SET: variants seen among roughly 807,000 people sequenced by gnomAD.
SET encodes SET nuclear proto-oncogene, also known as protein SET.
A neutral mutation model predicts 39.0 loss-of-function variants in SET; 4 were observed. That is an observed-to-expected ratio of 0.10 (90% CI 0.05 to 0.23). The LOEUF (loss-of-function observed/expected upper bound fraction) is 0.23. Ranked by LOEUF, SET falls within the 10% of genes least tolerant of loss-of-function variation. SET has a pLI of 1.00. For synonymous variants in SET, 114 were observed against 115.9 expected (o/e 0.98, Z 0.11); for missense variants, 137 against 329.7 (o/e 0.42, Z 4.53).
At chr9:128,689,216 G>A (rs1861398434), upstream of SET, 1 of 992,238 alleles carries the variant, frequency 1.0e-6, no homozygotes, top group Non-Finnish European at 1.2e-6. Context: ...TGCGCCCTGC[G>A]CCCGCCCCTC....
rs1861713465 is a variant in SET, at chr9:128,695,752, CTGAA to C, written c.*1089_*1092del. On this transcript the variant is annotated 3_prime_UTR_variant, in exon 8 of 8. Transcript: ENST00000322030. ...CGTGGGTTCAATTTGCCATTGGTTT[CTGAA>C]AGTATTCACATCATTTGGGATACCA... is the stretch of plus-strand genomic sequence containing the variant. 4.4e-6 allele frequency: 1 copy of C among 227,496 alleles called. No individual in the cohort carries two copies. Among genetic ancestry groups the C allele is most frequent in the Non-Finnish European group, 8.8e-6 (1 of 113,784 alleles). 14.1% of individuals were successfully genotyped at this position (227,496 alleles called of 1,614,324 possible).
chr9:128,686,303 A>T (rs569654128), upstream of SET, among the ~76,000 whole-genome samples: 1 of 152,230 alleles, frequency 6.6e-6, no homozygotes, highest in South Asian at 2.1e-4. Flanking sequence ...AGGGCAGGAA[A>T]AGAGGGGCAG....
rs1006114163 is a variant in SET at position 128,689,546 on chromosome 9, C to T, written c.-37C>T. 3.4e-6 allele frequency: 4 copies of T among 1,176,056 alleles called. No individual in the cohort carries two copies. Among genetic ancestry groups the T allele is most frequent in the Non-Finnish European group, 4.5e-6 (4 of 885,162 alleles). The allele number at this position is 1,176,056 out of a possible 1,614,324, so 72.9% of individuals were successfully genotyped here. On this transcript the variant is annotated 5_prime_UTR_variant, in exon 1 of 8. Coordinates refer to ENST00000322030, the MANE Select transcript of SET (RefSeq NM_003011.4). ...CGCCCCCTTCGCCTTCCCTTCTCTC[C>T]CCCTCCCCGCTCCCCCCCCGACCGC... is the stretch of plus-strand genomic sequence containing the variant.
chr9:128,691,616 T>C (rs1400438249), intron 2 of SET, among the ~76,000 whole-genome samples: 1 of 152,214 alleles, frequency 6.6e-6, no homozygotes, highest in African/African-American at 2.4e-5. Flanking sequence ...GCGAAGTAAA[T>C]ACACACGTTA....
At chr9:128,693,053 T>C in intron 5 of SET, 72 bp downstream of exon 5, 6 of 978,246 alleles carry the variant, frequency 6.1e-6, no homozygotes, top group Non-Finnish European at 9.4e-6. Context: ...CACTTACAAG[T>C]GCTTGATACT....
chr9:128,688,003 G>A (rs2132239445), upstream of SET, among the ~76,000 whole-genome samples: 1 of 152,322 alleles, frequency 6.6e-6, no homozygotes, highest in East Asian at 1.9e-4. Flanking sequence ...GATCACCCCA[G>A]GTCAGTAGAC....
Position 128,694,734 on chromosome 9 carries a change from CTTTTTTTTTT to C in SET, c.*85_*94del, listed in dbSNP as rs35778650. 13 of 304,042 alleles carry C rather than the reference CTTTTTTTTTT, an allele frequency of 4.3e-5. No individual in the cohort carries two copies. Among genetic ancestry groups the C allele is most frequent in the East Asian group, 5.4e-5 (1 of 18,678 alleles). The allele number at this position is 304,042 out of a possible 1,614,324, so 18.8% of individuals were successfully genotyped here. On this transcript the variant is annotated 3_prime_UTR_variant, in exon 8 of 8. Coordinates refer to ENST00000322030, the MANE Select transcript of SET (RefSeq NM_003011.4). ...CCAGTCCCTGGGAGCAAGTTGCAGT[CTTTTTTTTTT>C]TTTTTTTTTTTTTTCCCTCTTGTGC...
At chr9:128,694,464 A>G (rs1861657446) in intron 7 of SET, among the ~76,000 whole-genome samples, 177 bp from the exon 8 acceptor site, 1 of 152,200 alleles carries the variant, frequency 6.6e-6, no homozygotes, top group African/African-American at 2.4e-5. Context: ...TTTGGTTAGA[A>G]CTGAAGTTAC....
intron 2 of SET, 76 bp from the exon 3 acceptor site, chr9:128,691,782 T>A: frequency 7.1e-7 from 1 of 1,403,298 alleles, no homozygotes; most frequent in Non-Finnish European, 9.7e-7. Context: ...AGTAAGTAAA[T>A]ACACTCTGTA....
intron 7 of SET, 64 bp downstream of exon 7, chr9:128,694,106 G>GTGTA (rs1554777077): frequency 1.1e-4 from 106 of 1,001,712 alleles, no homozygotes; most frequent in South Asian, 5.3e-4. Flanking sequence ...ATTTTGGGGT[G>GTGTA]TATATATATA....
At chr9:128,683,733 A>C in exon 1 of SET, 1 of 552,658 alleles carries the variant, frequency 1.8e-6, no homozygotes, top group Non-Finnish European at 3.2e-6. Context: ...AGGCTGGGGG[A>C]GGGGGCCGGG....
chr9:128,693,913 TGAA>T lies in SET; in HGVS notation c.686_688del (p.Glu229del), dbSNP rs772066011. The stretch of plus-strand genomic sequence containing the variant: ...TTTTTAAGGTTCCCGATATGGATGA[TGAA>T]GAAGGAGAAGGAGAAGAAGATGATG... On this transcript the variant is annotated inframe_deletion, in exon 7 of 8. Coordinates refer to ENST00000322030, the MANE Select transcript of SET (RefSeq NM_003011.4). 31 of 1,596,724 alleles carry T rather than the reference TGAA, an allele frequency of 1.9e-5. No homozygotes were observed. The highest frequency in any genetic ancestry group is 2.3e-5 in the Non-Finnish European group (27 of 1,168,258).
At chr9:128,692,245 C>G (rs1168372484) in intron 3 of SET, 3 of 395,178 alleles carry the variant, frequency 7.6e-6, no homozygotes, top group Non-Finnish European at 1.4e-5. Context: ...AAAAAATTAG[C>G]TGGGCGTGGT....
At chr9:128,694,124 T>TATA in intron 7 of SET, 82 bp downstream of exon 7, 16 of 824,294 alleles carry the variant, frequency 1.9e-5, no homozygotes, top group Admixed American at 4.0e-5. Flanking sequence ...ATATATATAG[T>TATA]GTGGTAGAAC....
At chr9:128,694,555 G>C in intron 7 of SET, 86 bp from the exon 8 acceptor site, 1 of 841,840 alleles carries the variant, frequency 1.2e-6, no homozygotes, top group African/African-American at 1.8e-5. Context: ...AGTGCCCCCA[G>C]GGGCACTCGT....
intron 2 of SET, 139 bp downstream of exon 2, chr9:128,691,366 T>G: frequency 1.6e-6 from 1 of 640,840 alleles, no homozygotes. Flanking sequence ...TTATGTAGAT[T>G]CAGTGTTTTT....
rs1436100137 is a variant in SET, at chr9:128,695,239, C to A, written c.*575C>A. The A allele has an allele frequency of 1.7e-4, 38 of 221,362 alleles. No individual in the cohort carries two copies. The highest frequency in any genetic ancestry group is 3.3e-4 in the Non-Finnish European group (36 of 109,428). The allele number at this position is 221,362 out of a possible 1,614,324, so 13.7% of individuals were successfully genotyped here. A position where few individuals can be genotyped will look rare whatever the true frequency, so the allele number is the denominator to read the frequency against. On this transcript the variant is annotated 3_prime_UTR_variant, in exon 8 of 8. Coordinates refer to ENST00000322030, the MANE Select transcript of SET (RefSeq NM_003011.4). ...GTGGGTTAAGTGGGCATTTTGACAA[C>A]ATGGCTTCTCCTTTGGCATGTTTAA...
chr9:128,688,805 G>T (rs1256454060), upstream of SET, among the ~76,000 whole-genome samples: 1 of 152,202 alleles, frequency 6.6e-6, no homozygotes, highest in South Asian at 2.1e-4. Flanking sequence ...CCACGAAGTG[G>T]AAGGCGCCGA....
upstream of SET, chr9:128,684,978 T>C (rs776069776): frequency 9.4e-5 from 131 of 1,396,024 alleles, no homozygotes; most frequent in Non-Finnish European, 1.2e-4. Flanking sequence ...GTCTGGCTCA[T>C]AGGGGAGGGT....
Sources: allele counts gnomAD v4.1 joint callset (sites outside exome capture counted in the v4.1 genomes callset), GRCh38; gene constraint gnomAD v4.1.1; transcripts MANE v1.5; gene names NCBI Gene and HGNC (gene_info 2026-07-23, HGNC 2026-07-21).